Variants in ATG4C observed in about 807,000 individuals in gnomAD.
ATG4C encodes cysteine protease ATG4C.
In ATG4C, 56 loss-of-function variants were observed where a neutral mutation model predicts 57.6. The observed-to-expected ratio is 0.97, with a 90% CI of 0.78 to 1.21. The LOEUF (loss-of-function observed/expected upper bound fraction) is 1.21, where lower values mean the gene tolerates loss of function less well. Ranked by LOEUF, ATG4C falls within the 50% of genes most tolerant of loss-of-function variation. ATG4C has a pLI of 0.00. For missense variants in ATG4C, 595 were observed against 529.8 expected, an observed-to-expected ratio of 1.12 and a Z score of -1.21; for synonymous variants, 157 against 174.1, an observed-to-expected ratio of 0.90 and a Z score of 0.78.
intron 1 of ATG4C, among the ~76,000 whole-genome samples, chr1:62,796,776 CA>C (rs1664482984): frequency 6.6e-6 from 1 of 151,498 alleles, no homozygotes. Context: ...AAGAGAAATA[CA>C]AAGAGGAAAG....
intron 3 of ATG4C, among the ~76,000 whole-genome samples, chr1:62,808,421 A>G (rs1664949884): frequency 6.6e-6 from 1 of 152,144 alleles, no homozygotes; most frequent in African/African-American, 2.4e-5. Context: ...GTGGAAGTGA[A>G]GGATAGACAT....
At chr1:62,814,285 G>A (rs1013782176) in intron 3 of ATG4C, among the ~76,000 whole-genome samples, 13 of 152,184 alleles carry the variant, frequency 8.5e-5, no homozygotes, top group African/African-American at 2.9e-4. Context: ...ATAAGTTCAT[G>A]TCCTTTGCAG....
At position 62,841,343 on chromosome 1, in the gene ATG4C, G is replaced by T. The variant is rs1666159313; in HGVS notation, c.1090-85G>T. 4 of 1,188,602 alleles carry T rather than the reference G, an allele frequency of 3.4e-6. 1 individual carries two copies. The African/African-American group carries it at 6.3e-5, about 19-fold the overall frequency. 73.6% of individuals were successfully genotyped at this position (1,188,602 alleles called of 1,614,324 possible). The stretch of plus-strand genomic sequence containing the variant: ...ATCATGTTTATAGTGATGGGAAAAA[G>T]CTAGATAGAAAATTTTAAATAATAG... On this transcript the variant is annotated intron_variant, in intron 9 of 10. Transcript: ENST00000317868.
intron 9 of ATG4C, among the ~76,000 whole-genome samples, chr1:62,838,283 A>G (rs1310509034): frequency 1.3e-5 from 2 of 152,206 alleles, no homozygotes; most frequent in East Asian, 3.9e-4. Context: ...TGCGTTTGTC[A>G]AGTAGATGCT....
chr1:62,829,042 T>G lies in ATG4C; in HGVS notation c.799T>G (p.Tyr267Asp), dbSNP rs1466299208. ...TIYVAQDCTV[Y>D]NSDVIDKQSA... ...CATATTCATTATGTTTTTCTCAGTT[T>G]ACAATTCTGATGTAATTGATAAACA... Residue 267 changes from tyrosine to aspartate, a missense_variant and splice_region_variant, in exon 7 of 11, where the codon TAC becomes GAC. Tyr to Asp is a radical substitution (Grantham distance 160, BLOSUM62 -3). Coordinates refer to ENST00000317868, the MANE Select transcript of ATG4C (RefSeq NM_032852.4). The G allele has an allele frequency of 1.2e-6, 2 of 1,604,324 alleles. No individual in the cohort carries two copies. Among genetic ancestry groups the G allele is most frequent in the African/African-American group, 1.3e-5 (1 of 74,430 alleles).
rs567410784 is a variant in ATG4C at position 62,793,323 on chromosome 1, T to A, written c.-69+9050T>A. Among the ~76,000 whole-genome samples, 282 of 152,066 alleles carry A rather than the reference T, an allele frequency of 1.9e-3. 1 individual carries two copies. The highest frequency in any genetic ancestry group is 3.3e-3 in the Non-Finnish European group (222 of 67,962). On this transcript the variant is annotated intron_variant, in intron 1 of 10. Transcript: ENST00000317868. ...CAAGAACTACTGTTAATATTAATACTTACTAGTGCCAGGCACAGTGGCTCA... is the reference window on the plus strand; with the variant it reads ...CAAGAACTACTGTTAATATTAATACATACTAGTGCCAGGCACAGTGGCTCA...
At chr1:62,811,607 T>G (rs919057855) in intron 3 of ATG4C, among the ~76,000 whole-genome samples, 1 of 152,206 alleles carries the variant, frequency 6.6e-6, no homozygotes, top group Non-Finnish European at 1.5e-5. Context: ...CTGGCTAGCA[T>G]TTTTTCAGGG....
chr1:62,807,648 C>G (rs1289835834), intron 3 of ATG4C, among the ~76,000 whole-genome samples: 1 of 152,210 alleles, frequency 6.6e-6, no homozygotes, highest in African/African-American at 2.4e-5. Flanking sequence ...TCCTTCAACT[C>G]CTGACAACTT....
intron 7 of ATG4C, among the ~76,000 whole-genome samples, chr1:62,832,893 G>A (rs1333124270): frequency 6.6e-6 from 1 of 152,104 alleles, no homozygotes; most frequent in Non-Finnish European, 1.5e-5. Flanking sequence ...ATGACATAAT[G>A]AGCAACAAAA....
At chr1:62,809,030 C>T (rs1264723661) in intron 3 of ATG4C, among the ~76,000 whole-genome samples, 1 of 152,072 alleles carries the variant, frequency 6.6e-6, no homozygotes, top group East Asian at 1.9e-4. Context: ...CCTCCCTGGG[C>T]TCAAATGATC....
intron 9 of ATG4C, among the ~76,000 whole-genome samples, chr1:62,837,536 G>T (rs1201813694): frequency 7.9e-5 from 12 of 152,170 alleles, no homozygotes; most frequent in Admixed American, 7.9e-4. Flanking sequence ...GTGAGGGTAT[G>T]TAAGAAAAGC....
chr1:62,837,145 A>G (rs1372647182), intron 9 of ATG4C, among the ~76,000 whole-genome samples: 1 of 152,080 alleles, frequency 6.6e-6, no homozygotes, highest in African/African-American at 2.4e-5. Context: ...ATACATTTCT[A>G]TTAATGTTTA....
rs551501964 is a variant in ATG4C, at chr1:62,802,544, C to G, written c.-68-1175C>G. Among the ~76,000 whole-genome samples the G allele has an allele frequency of 4.7e-4, 72 of 151,776 alleles. 1 individual carries two copies. The highest frequency in any genetic ancestry group is 1.7e-3 in the African/African-American group (71 of 41,424). ...GGGATACTCAACCTGTAGTGGTAAA[C>G]TCATTATCTACTTTTATTCCTTTCC... On this transcript the variant is annotated intron_variant, in intron 1 of 10. Transcript: ENST00000317868.
intron 10 of ATG4C, among the ~76,000 whole-genome samples, chr1:62,854,304 A>T: frequency 1.4e-5 from 2 of 141,608 alleles, no homozygotes; most frequent in African/African-American, 2.6e-5. Context: ...TTTCAGACAG[A>T]GTCTTGCTCT....
At chr1:62,854,477 C>T (rs546891545) in intron 10 of ATG4C, among the ~76,000 whole-genome samples, 14 of 152,064 alleles carry the variant, frequency 9.2e-5, no homozygotes, top group African/African-American at 3.1e-4. Flanking sequence ...CGGGGTTTCA[C>T]CGTGTTAGCC....
At chr1:62,846,921 A>C (rs1222233864) in intron 10 of ATG4C, among the ~76,000 whole-genome samples, 5 of 152,146 alleles carry the variant, frequency 3.3e-5, no homozygotes, top group Admixed American at 3.3e-4. Context: ...TCACACCTGT[A>C]ACCCCAGCAC....
intron 10 of ATG4C, among the ~76,000 whole-genome samples, chr1:62,848,431 GT>G (rs1223849306): frequency 6.6e-6 from 1 of 151,926 alleles, no homozygotes; most frequent in African/African-American, 2.4e-5. Context: ...GATCATTTTG[GT>G]TGTCTCTGAA....
intron 3 of ATG4C, among the ~76,000 whole-genome samples, chr1:62,807,202 A>G (rs1259472594): frequency 6.6e-6 from 1 of 152,180 alleles, no homozygotes. Flanking sequence ...CCTGACTCAG[A>G]GCTCCTAAAA....
chr1:62,852,217 C>T (rs1422879809), intron 10 of ATG4C, among the ~76,000 whole-genome samples: 1 of 152,120 alleles, frequency 6.6e-6, no homozygotes, highest in Non-Finnish European at 1.5e-5. Context: ...CCATTATTCT[C>T]CCAGACCGGA....
Sources: gnomAD v4.1 joint callset for allele counts (sites outside exome capture counted in the v4.1 genomes callset) on GRCh38, gnomAD v4.1.1 for gene constraint, MANE v1.5 for transcripts, NCBI Gene and HGNC (gene_info 2026-07-23, HGNC 2026-07-21) for gene names.